MGLL: variants seen among roughly 807,000 people sequenced by gnomAD.
MGLL encodes the protein monoglyceride lipase, also known as lysophospholipase homolog.
A neutral mutation model predicts 29.1 loss-of-function variants in MGLL; 7 were observed. That is an observed-to-expected ratio of 0.24 (90% CI 0.14 to 0.45). The LOEUF (loss-of-function observed/expected upper bound fraction) is 0.45. MGLL is among the 20% of genes least tolerant of loss of function. MGLL has a pLI of 0.99. For missense variants in MGLL, 356 were observed against 413.6 expected (o/e 0.86, Z 1.21); for synonymous variants, 148 against 168.3 (o/e 0.88, Z 0.93).
intron 4 of MGLL, among the ~76,000 whole-genome samples, chr3:127,721,509 T>G (rs929403941): frequency 8.5e-6 from 1 of 117,812 alleles, no homozygotes; most frequent in Non-Finnish European, 1.9e-5. Context: ...ATAGGAGGGT[T>G]TTTTTTTTTT....
chr3:127,757,601 C>T (rs1003226259), intron 3 of MGLL, among the ~76,000 whole-genome samples: 2 of 152,138 alleles, frequency 1.3e-5, no homozygotes, highest in African/African-American at 4.8e-5. Flanking sequence ...CAGCAGGAAT[C>T]GTAACTCCAA....
intron 4 of MGLL, 76 bp downstream of exon 4, chr3:127,722,354 G>C (rs2075944726): frequency 6.2e-7 from 1 of 1,600,376 alleles, no homozygotes; most frequent in African/African-American, 1.3e-5. Context: ...GGGGCAGGAA[G>C]TCAGGGCCAC....
At chr3:127,709,290 A>G (rs2075663886) in intron 6 of MGLL, among the ~76,000 whole-genome samples, 1 of 152,134 alleles carries the variant, frequency 6.6e-6, no homozygotes. Flanking sequence ...GGCTTTAAAA[A>G]CCAAATTATA....
At chr3:127,710,694 G>A in intron 5 of MGLL, 29 bp from the exon 6 acceptor site, 1 of 1,523,806 alleles carries the variant, frequency 6.6e-7, no homozygotes, top group Non-Finnish European at 8.9e-7. Context: ...CAAGGGCTGT[G>A]AGCACAAGTG....
At chr3:127,706,203 G>C (rs2075599057) in intron 6 of MGLL, among the ~76,000 whole-genome samples, 1 of 152,182 alleles carries the variant, frequency 6.6e-6, no homozygotes, top group Admixed American at 6.5e-5. Flanking sequence ...GCTTTGCCCA[G>C]GCTATGTTCC....
At chr3:127,801,783 T>C (rs1247600517) in intron 2 of MGLL, among the ~76,000 whole-genome samples, 1 of 148,076 alleles carries the variant, frequency 6.8e-6, no homozygotes, top group Non-Finnish European at 1.5e-5. Flanking sequence ...TTTATAATAA[T>C]ATAATAAATA....
intron 3 of MGLL, among the ~76,000 whole-genome samples, chr3:127,728,853 G>A (rs927172007): frequency 1.3e-5 from 2 of 152,188 alleles, no homozygotes; most frequent in African/African-American, 4.8e-5. Context: ...AGATGCGGGA[G>A]AGGGCCTCTT....
intron 2 of MGLL, among the ~76,000 whole-genome samples, chr3:127,802,520 C>G (rs1422084389): frequency 6.6e-6 from 1 of 152,176 alleles, no homozygotes; most frequent in Non-Finnish European, 1.5e-5. Flanking sequence ...TTGTACTAGG[C>G]TGGAAACTTA....
chr3:127,787,473 TGCCAG>T (rs1425606374), intron 2 of MGLL, among the ~76,000 whole-genome samples: 1 of 152,228 alleles, frequency 6.6e-6, no homozygotes, highest in Non-Finnish European at 1.5e-5. Flanking sequence ...GTCGAAGCAA[TGCCAG>T]GCTCCCTTAA....
At chr3:127,729,815 A>G (rs1248997380) in intron 3 of MGLL, among the ~76,000 whole-genome samples, 1 of 152,188 alleles carries the variant, frequency 6.6e-6, no homozygotes, top group Non-Finnish European at 1.5e-5. Context: ...TACATGCAGG[A>G]GGCCCCAGGT....
At chr3:127,800,776 T>C (rs1449785334) in intron 2 of MGLL, among the ~76,000 whole-genome samples, 2 of 152,142 alleles carry the variant, frequency 1.3e-5, no homozygotes, top group Non-Finnish European at 2.9e-5. Context: ...TACCCACTGG[T>C]TGGCCTGGGA....
intron 2 of MGLL, among the ~76,000 whole-genome samples, chr3:127,789,269 G>T (rs2077263146): frequency 6.6e-6 from 1 of 152,192 alleles, no homozygotes; most frequent in African/African-American, 2.4e-5. Context: ...CATCCCCTGT[G>T]GGCTCAGCTT....
chr3:127,692,094 A>T lies in MGLL; in HGVS notation c.*104T>A, dbSNP rs1345429906. ...GTGCTAAGGATTTCTCCAATTTCTG[A>T]TTTTTTTTTTTTTTTTTTTTTGGCA... On this transcript the variant is annotated 3_prime_UTR_variant, in exon 8 of 8. Coordinates refer to ENST00000265052, the MANE Select transcript of MGLL (RefSeq NM_007283.7). The T allele has an allele frequency of 9.2e-5, 65 of 709,086 alleles. No homozygotes were observed. Among genetic ancestry groups the T allele is most frequent in the East Asian group, 2.0e-4 (5 of 24,916 alleles). The allele number at this position is 709,086 out of a possible 1,614,324, so 43.9% of individuals were successfully genotyped here.
At chr3:127,714,164 G>A (rs575989163) in intron 5 of MGLL, 2 of 152,060 alleles carry the variant, frequency 1.3e-5, no homozygotes, top group Admixed American at 6.5e-5. Context: ...CAAGGGGCTG[G>A]TCCCTGGAGG....
intron 3 of MGLL, among the ~76,000 whole-genome samples, chr3:127,736,855 T>C (rs769338103): frequency 6.6e-6 from 1 of 152,124 alleles, no homozygotes; most frequent in South Asian, 2.1e-4. Flanking sequence ...TCACCACGCC[T>C]GGCTAATTTT....
intron 3 of MGLL, among the ~76,000 whole-genome samples, chr3:127,741,687 G>A (rs2076343620): frequency 6.6e-6 from 1 of 152,190 alleles, no homozygotes; most frequent in South Asian, 2.1e-4. Context: ...TTTAGGGGCT[G>A]GGTGGGGACA....
At chr3:127,781,987 G>A (rs1287387325) in intron 2 of MGLL, 92 bp from the exon 3 acceptor site, 60 of 1,179,786 alleles carry the variant, frequency 5.1e-5, no homozygotes, top group Non-Finnish European at 7.2e-5. Flanking sequence ...TTGGGAGGCC[G>A]GGGCGGGCGG....
chr3:127,730,237 C>T (rs2076124290), intron 3 of MGLL, among the ~76,000 whole-genome samples: 1 of 152,150 alleles, frequency 6.6e-6, no homozygotes, highest in African/African-American at 2.4e-5. Flanking sequence ...AATCTCCCTG[C>T]CCAACCCCAG....
At chr3:127,720,025 A>G (rs2075888412) in intron 5 of MGLL, among the ~76,000 whole-genome samples, 1 of 152,220 alleles carries the variant, frequency 6.6e-6, no homozygotes, top group Admixed American at 6.5e-5. Flanking sequence ...GTCTGTGGTC[A>G]TGGGCTGAAG....
Sources: allele counts gnomAD v4.1 joint callset (sites outside exome capture counted in the v4.1 genomes callset), GRCh38; gene constraint gnomAD v4.1.1; transcripts MANE v1.5; gene names NCBI Gene and HGNC (gene_info 2026-07-23, HGNC 2026-07-21).